DKK2: variants seen among roughly 807,000 people sequenced by gnomAD.
DKK2 encodes the protein dickkopf-related protein 2.
DKK2 carries 11 observed loss-of-function variants against 28.1 expected under a neutral mutation model. That is an observed-to-expected ratio of 0.39 (90% CI 0.25 to 0.65). DKK2 has a LOEUF of 0.65. Ranked by LOEUF, DKK2 falls within the 30% of genes least tolerant of loss-of-function variation. The pLI, the probability that DKK2 is intolerant of heterozygous loss-of-function variation, is 0.47. For missense variants in DKK2, 326 were observed against 335.5 expected, an observed-to-expected ratio of 0.97 and a Z score of 0.22; for synonymous variants, 135 against 126.5, an observed-to-expected ratio of 1.07 and a Z score of -0.45.
intron 1 of DKK2, among the ~76,000 whole-genome samples, chr4:106,959,626 T>C (rs1005437126): frequency 1.3e-5 from 2 of 152,144 alleles, no homozygotes; most frequent in Non-Finnish European, 2.9e-5. Flanking sequence ...TTTCAAAGCT[T>C]TAACTTTTTA....
chr4:106,967,703 G>C lies in DKK2; in HGVS notation c.223-41754C>G, dbSNP rs750731310. Among the ~76,000 whole-genome samples the C allele has an allele frequency of 2.6e-5, 4 of 151,678 alleles. No individual in the cohort carries two copies. The East Asian group carries it at 7.7e-4, about 29-fold the overall frequency. ...CACTTAATATAGCTGATAAATATTT[G>C]TTAGGAAAAAGAAGGAAGAAAGGAG... On this transcript the variant is annotated intron_variant, in intron 1 of 3. Coordinates refer to ENST00000285311, the MANE Select transcript of DKK2 (RefSeq NM_014421.3).
rs141676442 is a variant in DKK2 at position 106,985,922 on chromosome 4, G to A, written c.222+49448C>T. On this transcript the variant is annotated intron_variant, in intron 1 of 3. Coordinates refer to ENST00000285311, the MANE Select transcript of DKK2 (RefSeq NM_014421.3). ...GAAAGAAGGAGGGACAAAAAGGGAG[G>A]GAAGGCAAGAAGAAAGAAGAAAGGA... is the stretch of plus-strand genomic sequence containing the variant. Among the ~76,000 whole-genome samples, 18 of 151,948 alleles carry A rather than the reference G, an allele frequency of 1.2e-4. No homozygotes were observed. In the East Asian group the frequency reaches 3.5e-3, roughly 29 times the overall value.
At chr4:106,974,668 A>G (rs996201396) in intron 1 of DKK2, among the ~76,000 whole-genome samples, 3 of 152,194 alleles carry the variant, frequency 2.0e-5, no homozygotes, top group African/African-American at 7.2e-5. Context: ...TTCTAAATAT[A>G]CAATCATGTC....
At position 106,983,010 on chromosome 4, in the gene DKK2, GAGAA is replaced by G. The variant is rs550574012; in HGVS notation, c.222+52356_222+52359del. 1.5e-3 allele frequency among the ~76,000 whole-genome samples: 216 copies of G among 142,978 alleles called. 2 individuals carry two copies. The highest frequency in any genetic ancestry group is 0.013 in the South Asian group (58 of 4,484). 93.8% of individuals were successfully genotyped at this position (142,978 alleles called of 152,430 possible). On this transcript the variant is annotated intron_variant, in intron 1 of 3. Transcript: ENST00000285311. ...AGAAAGAGAAAAGAAAAGAAAAAGAGAGAAAGGAAGGAAGGAAGAAGAAAGATGA... is the reference window on the plus strand; with the variant it reads ...AGAAAGAGAAAAGAAAAGAAAAAGAGAGGAAGGAAGGAAGAAGAAAGATGA...
Position 107,035,605 on chromosome 4 carries a change from G to C in DKK2, c.-14C>G. The C allele has an allele frequency of 6.2e-7, 1 of 1,613,092 alleles. No homozygotes were observed. Among genetic ancestry groups the C allele is most frequent in the South Asian group, 1.1e-5 (1 of 91,052 alleles). ...CAACGCGGCCATCTCCCGGCGAGGGGGTCCCCAGGAAGACGCAAAGCCCGG... is the reference window on the plus strand; with the variant it reads ...CAACGCGGCCATCTCCCGGCGAGGGCGTCCCCAGGAAGACGCAAAGCCCGG... On this transcript the variant is annotated 5_prime_UTR_variant, in exon 1 of 4. Coordinates refer to ENST00000285311, the MANE Select transcript of DKK2 (RefSeq NM_014421.3).
intron 1 of DKK2, among the ~76,000 whole-genome samples, chr4:106,936,126 G>A (rs1316537786): frequency 2.0e-5 from 3 of 152,200 alleles, no homozygotes; most frequent in African/African-American, 7.2e-5. Context: ...GAATGACTTT[G>A]ACGAGCTGAG....
At chr4:106,961,120 A>G (rs1425078002) in intron 1 of DKK2, among the ~76,000 whole-genome samples, 1 of 152,136 alleles carries the variant, frequency 6.6e-6, no homozygotes, top group Non-Finnish European at 1.5e-5. Flanking sequence ...GAAGTTTAAT[A>G]TTTTGATAAA....
chr4:107,016,847 G>T (rs910260991), intron 1 of DKK2, among the ~76,000 whole-genome samples: 4 of 151,872 alleles, frequency 2.6e-5, no homozygotes, highest in African/African-American at 9.7e-5. Context: ...GAAAAGATGG[G>T]ATTTGGACAT....
At chr4:107,003,723 A>G (rs1436076317) in intron 1 of DKK2, among the ~76,000 whole-genome samples, 1 of 152,240 alleles carries the variant, frequency 6.6e-6, no homozygotes, top group Non-Finnish European at 1.5e-5. Context: ...ACATATCATC[A>G]GTAGTATAAA....
At chr4:106,956,691 C>T (rs1578356531) in intron 1 of DKK2, among the ~76,000 whole-genome samples, 2 of 152,122 alleles carry the variant, frequency 1.3e-5, no homozygotes, top group South Asian at 2.1e-4. Context: ...GGAAAACTGG[C>T]TAGCCATATG....
chr4:106,945,674 A>G (rs1287996336), intron 1 of DKK2, among the ~76,000 whole-genome samples: 2 of 152,120 alleles, frequency 1.3e-5, no homozygotes, highest in African/African-American at 2.4e-5. Context: ...GAGTAGTAAT[A>G]TATACCCATA....
intron 1 of DKK2, among the ~76,000 whole-genome samples, chr4:107,017,588 G>T (rs1453211815): frequency 2.0e-5 from 3 of 151,576 alleles, no homozygotes; most frequent in Non-Finnish European, 2.9e-5. Flanking sequence ...GTTAGAAGCA[G>T]CTGTTACTAA....
intron 1 of DKK2, among the ~76,000 whole-genome samples, chr4:107,011,700 TGTGTGTGTGTGTGG>T (rs1723520376): frequency 6.6e-6 from 1 of 151,412 alleles, no homozygotes; most frequent in South Asian, 2.1e-4. Context: ...AGTGTGTGTG[TGTGTGTGTGTGTGG>T]GTGTGTATAA....
intron 1 of DKK2, among the ~76,000 whole-genome samples, chr4:106,950,574 T>C (rs1010953268): frequency 6.6e-6 from 1 of 152,038 alleles, no homozygotes; most frequent in Non-Finnish European, 1.5e-5. Context: ...CTAGGTTCTT[T>C]CTTACTACTT....
intron 1 of DKK2, among the ~76,000 whole-genome samples, chr4:106,959,750 A>G (rs1030864713): frequency 1.3e-5 from 2 of 152,120 alleles, no homozygotes; most frequent in Non-Finnish European, 2.9e-5. Context: ...TCATTCATGC[A>G]TTCATTCACC....
intron 1 of DKK2, among the ~76,000 whole-genome samples, chr4:106,992,988 T>C (rs1723225741): frequency 6.6e-6 from 1 of 152,200 alleles, no homozygotes; most frequent in Non-Finnish European, 1.5e-5. Flanking sequence ...ATATGAGAAT[T>C]CCATATGGAT....
At chr4:106,974,513 G>A (rs985575796) in intron 1 of DKK2, among the ~76,000 whole-genome samples, 10 of 152,162 alleles carry the variant, frequency 6.6e-5, no homozygotes, top group African/African-American at 2.4e-4. Context: ...ATTGTGAATG[G>A]GAGTTCACTC....
intron 1 of DKK2, among the ~76,000 whole-genome samples, chr4:107,016,079 T>C (rs150071147): frequency 6.6e-6 from 1 of 151,924 alleles, no homozygotes; most frequent in Non-Finnish European, 1.5e-5. Context: ...TAAGGCCTGC[T>C]CTTCCAAAGA....
intron 1 of DKK2, among the ~76,000 whole-genome samples, chr4:106,983,576 A>T (rs1449923542): frequency 6.6e-6 from 1 of 152,194 alleles, no homozygotes; most frequent in African/African-American, 2.4e-5. Flanking sequence ...AAGCACGGTT[A>T]CCCTCCAACC....
Sources: allele counts gnomAD v4.1 joint callset (sites outside exome capture counted in the v4.1 genomes callset), GRCh38; gene constraint gnomAD v4.1.1; transcripts MANE v1.5; gene names NCBI Gene and HGNC (gene_info 2026-07-23, HGNC 2026-07-21).